Variants in TFAP2C observed in about 807,000 individuals in gnomAD.
TFAP2C encodes the protein transcription factor AP-2 gamma.
TFAP2C carries 9 observed loss-of-function variants against 42.9 expected under a neutral mutation model. That is an observed-to-expected ratio of 0.21 (90% CI 0.13 to 0.37). The LOEUF is 0.37. Among genes scored for constraint, TFAP2C ranks in the 10% least tolerant of loss-of-function variants. The pLI is 1.00. For missense variants in TFAP2C, 462 were observed against 591.7 expected (o/e 0.78, Z 2.27); for synonymous variants, 264 against 256.0 (o/e 1.03, Z -0.30).
rs900465673 is a variant in TFAP2C at position 56,637,613 on chromosome 20, G to C, written c.1068-115G>C. On this transcript the variant is annotated intron_variant, in intron 6 of 6. Transcript: ENST00000201031. The stretch of plus-strand genomic sequence containing the variant: ...TATTAGTATTAAATTCTCCTTCCTC[G>C]GGTTGAAGCAGTTGTGCTTGCCTCC... 22 of 879,744 alleles carry C rather than the reference G, an allele frequency of 2.5e-5. No individual in the cohort carries two copies. In the African/African-American group the frequency reaches 3.2e-4, roughly 13 times the overall value. 54.5% of individuals were successfully genotyped at this position (879,744 alleles called of 1,614,324 possible).
In TFAP2C at chr20:56,630,583, A is replaced by G. The variant is rs1987468415; in HGVS notation, c.49-622A>G. 8.2e-6 allele frequency: 5 copies of G among 613,188 alleles called. No homozygotes were observed. Among genetic ancestry groups the G allele is most frequent in the African/African-American group, 2.0e-5 (1 of 50,188 alleles). The allele number at this position is 613,188 out of a possible 1,614,324, so 38.0% of individuals were successfully genotyped here. A position where few individuals can be genotyped will look rare whatever the true frequency, so the allele number is the denominator to read the frequency against. On this transcript the variant is annotated intron_variant, in intron 1 of 6. Transcript: ENST00000201031. The surrounding 1 kb of genome is among the most constrained non-coding windows in gnomAD (Gnocchi z 5.1). ...CTCCCCTCGGCTGGGCCCGGCCAGC[A>G]GGGAGGGCCGCCCTGTGCGCGCGCT... is the stretch of plus-strand genomic sequence containing the variant.
At position 56,638,092 on chromosome 20, in the gene TFAP2C, C is replaced by A. The variant is rs1987620959; in HGVS notation, c.*79C>A. 1 of 1,323,070 alleles carries A rather than the reference C, an allele frequency of 7.6e-7. No individual in the cohort carries two copies. Among genetic ancestry groups the A allele is most frequent in the Non-Finnish European group, 1.0e-6 (1 of 973,040 alleles). The allele number at this position is 1,323,070 out of a possible 1,614,324, so 82.0% of individuals were successfully genotyped here. A position where few individuals can be genotyped will look rare whatever the true frequency, so the allele number is the denominator to read the frequency against. ...CCTTCTCCACCGCACAGACTGGGAA[C>A]CCCTCCTGGCCTGGGGGAAGAGTTT... On this transcript the variant is annotated 3_prime_UTR_variant, in exon 7 of 7. Transcript: ENST00000201031.
At position 56,629,936 on chromosome 20, in the gene TFAP2C, C is replaced by T. The variant is rs1213608237; in HGVS notation, c.48+344C>T. ...CAGACGTGGCTTTTACGCACGAAGT[C>T]TCTGTCCAAAGGGGTCAGATGAGGC... On this transcript the variant is annotated intron_variant, in intron 1 of 6. Transcript: ENST00000201031. This position sits in a 1 kb window ranked among gnomAD's most constrained non-coding sequence, Gnocchi z 5.9. Among the ~76,000 whole-genome samples, 2 of 152,180 alleles carry T rather than the reference C, an allele frequency of 1.3e-5. No individual in the cohort carries two copies. Among genetic ancestry groups the T allele is most frequent in the Non-Finnish European group, 2.9e-5 (2 of 68,036 alleles).
chr20:56,629,413 A>G lies in TFAP2C; in HGVS notation c.-132A>G. On this transcript the variant is annotated 5_prime_UTR_variant, in exon 1 of 7. Coordinates refer to ENST00000201031, the MANE Select transcript of TFAP2C (RefSeq NM_003222.4). This position sits in a 1 kb window ranked among gnomAD's most constrained non-coding sequence, Gnocchi z 5.9. ...CGCCGATGCGTGTCCAGTGACCCGG[A>G]CAGCAAGGCCCGCGCGCGGCGGGGG... is the stretch of plus-strand genomic sequence containing the variant. 4 of 733,842 alleles carry G rather than the reference A, an allele frequency of 5.5e-6. No individual in the cohort carries two copies. Among genetic ancestry groups the G allele is most frequent in the Non-Finnish European group, 8.0e-6 (4 of 500,998 alleles). The allele number at this position is 733,842 out of a possible 1,614,324, so 45.5% of individuals were successfully genotyped here.
At chr20:56,635,996 G>A (rs1987576417) in intron 5 of TFAP2C, among the ~76,000 whole-genome samples, 1 of 152,032 alleles carries the variant, frequency 6.6e-6, no homozygotes, top group Non-Finnish European at 1.5e-5. Context: ...TTTCCCCCCC[G>A]AATCTTTTCA....
Position 56,636,876 on chromosome 20 carries a change from A to G in TFAP2C, c.1067+122A>G, listed in dbSNP as rs1394989266. The G allele has an allele frequency of 3.2e-6, 4 of 1,268,650 alleles. No homozygotes were observed. In the African/African-American group the frequency reaches 6.1e-5, roughly 19 times the overall value. 78.6% of individuals were successfully genotyped at this position (1,268,650 alleles called of 1,614,324 possible). ...ATATTCTTGAAATAAATTAGGGTGG[A>G]GCAAAAGAAAATGGCAAGGGAGCTT... On this transcript the variant is annotated intron_variant, in intron 6 of 6. Coordinates refer to ENST00000201031, the MANE Select transcript of TFAP2C (RefSeq NM_003222.4).
In TFAP2C at chr20:56,637,705, G is replaced by A. The variant is rs754404050; in HGVS notation, c.1068-23G>A. 7 of 1,611,164 alleles carry A rather than the reference G, an allele frequency of 4.3e-6. No individual in the cohort carries two copies. The African/African-American group carries it at 5.3e-5, about 12-fold the overall frequency. On this transcript the variant is annotated intron_variant, in intron 6 of 6. Coordinates refer to ENST00000201031, the MANE Select transcript of TFAP2C (RefSeq NM_003222.4). ...TGTAAGGAGCTAGATGGAACTCATC[G>A]AGTCAACTGACTGTCTTCACAGGCA...
At chr20:56,633,280 T>C in intron 3 of TFAP2C, 73 bp from the exon 4 acceptor site, 1 of 1,176,476 alleles carries the variant, frequency 8.5e-7, no homozygotes, top group East Asian at 2.4e-5. Context: ...TCAGCTTTGG[T>C]TATTGGTTTT....
At position 56,630,758 on chromosome 20, in the gene TFAP2C, T is replaced by A. The variant is rs1987472743; in HGVS notation, c.49-447T>A. On this transcript the variant is annotated intron_variant, in intron 1 of 6. Coordinates refer to ENST00000201031, the MANE Select transcript of TFAP2C (RefSeq NM_003222.4). The surrounding 1 kb of genome is among the most constrained non-coding windows in gnomAD (Gnocchi z 5.1). ...CCGCGCCGCGCACTCTATCCGCGCC[T>A]GCCGCGCTGCCACCTCCAGCAGTCC... 1 of 985,258 alleles carries A rather than the reference T, an allele frequency of 1.0e-6. No homozygotes were observed. The highest frequency in any genetic ancestry group is 1.1e-4 in the East Asian group (1 of 8,744). The allele number at this position is 985,258 out of a possible 1,614,324, so 61.0% of individuals were successfully genotyped here.
chr20:56,632,746 C>T (rs1191094077), intron 3 of TFAP2C, among the ~76,000 whole-genome samples: 2 of 151,888 alleles, frequency 1.3e-5, no homozygotes, highest in Admixed American at 1.3e-4. Flanking sequence ...AAAAAACTCA[C>T]CGTTTATTTA....
chr20:56,631,414 C>A lies in TFAP2C; in HGVS notation c.258C>A (p.Ala86=). 2 of 1,603,208 alleles carry A rather than the reference C, an allele frequency of 1.2e-6. No homozygotes were observed. Among genetic ancestry groups the A allele is most frequent in the Non-Finnish European group, 8.5e-7 (1 of 1,175,998 alleles). The change falls in exon 2 of 7, where the codon GCC becomes GCA. Residue 86 remains alanine, a synonymous_variant. Transcript: ENST00000201031. This position sits in a 1 kb window ranked among gnomAD's most constrained non-coding sequence, Gnocchi z 6.1. ...ATCTGGGGGAAGCGTACGCCGCCGCCATCAACCCCCTGCACCAGCCGGCGC... is the reference window on the plus strand; with the variant it reads ...ATCTGGGGGAAGCGTACGCCGCCGCAATCAACCCCCTGCACCAGCCGGCGC... The part of the protein sequence containing the change: ...YSHLGEAYAA[A]INPLHQPAPT...
Position 56,631,348 on chromosome 20 carries a change from C to T in TFAP2C, c.192C>T (p.Tyr64=), listed in dbSNP as rs763699561. 2 of 1,611,824 alleles carry T rather than the reference C, an allele frequency of 1.2e-6. No individual in the cohort carries two copies. The highest frequency in any genetic ancestry group is 1.7e-6 in the Non-Finnish European group (2 of 1,179,234). The change falls in exon 2 of 7, where the codon TAC becomes TAT. Residue 64 remains tyrosine, a synonymous_variant. Transcript: ENST00000201031. This position sits in a 1 kb window ranked among gnomAD's most constrained non-coding sequence, Gnocchi z 6.1. ...CGCCACCCTACTTTCCCCCTCCCTA[C>T]CAGCAGCTGGCCTACTCCCAGTCGG... The part of the protein sequence containing the change: ...YQPPPYFPPP[Y]QQLAYSQSAD...
Position 56,629,431 on chromosome 20 carries a change from G to T in TFAP2C, c.-114G>T. Reference sequence around the variant, plus strand: ...GACCCGGACAGCAAGGCCCGCGCGCGGCGGGGGCGGCGGCAGACGCCTGGT... The same window carrying T: ...GACCCGGACAGCAAGGCCCGCGCGCTGCGGGGGCGGCGGCAGACGCCTGGT... On this transcript the variant is annotated 5_prime_UTR_variant, in exon 1 of 7. Coordinates refer to ENST00000201031, the MANE Select transcript of TFAP2C (RefSeq NM_003222.4). This position sits in a 1 kb window ranked among gnomAD's most constrained non-coding sequence, Gnocchi z 5.9. 1 of 949,246 alleles carries T rather than the reference G, an allele frequency of 1.1e-6. No homozygotes were observed. Among genetic ancestry groups the T allele is most frequent in the Non-Finnish European group, 1.4e-6 (1 of 694,602 alleles). The allele number at this position is 949,246 out of a possible 1,614,324, so 58.8% of individuals were successfully genotyped here.
At chr20:56,636,828 A>AG (rs531413008) in intron 6 of TFAP2C, 74 bp downstream of exon 6, 1 of 1,483,274 alleles carries the variant, frequency 6.7e-7, no homozygotes, top group Non-Finnish European at 9.1e-7. Context: ...CCCCCTCCAC[A>AG]GTCCCGATGG....
intron 5 of TFAP2C, among the ~76,000 whole-genome samples, chr20:56,635,541 C>T (rs1987568353): frequency 6.6e-6 from 1 of 152,014 alleles, no homozygotes; most frequent in South Asian, 2.1e-4. Flanking sequence ...TCTGCCCCTT[C>T]AGTAAAAAGG....
At chr20:56,632,495 A>G (rs1408063478) in intron 3 of TFAP2C, among the ~76,000 whole-genome samples, 1 of 152,192 alleles carries the variant, frequency 6.6e-6, no homozygotes, top group East Asian at 1.9e-4. Context: ...TACCATTTTG[A>G]CTGTTTTGGG....
chr20:56,631,169 A>T lies in TFAP2C; in HGVS notation c.49-36A>T. 1 of 1,480,822 alleles carries T rather than the reference A, an allele frequency of 6.8e-7. No individual in the cohort carries two copies. The highest frequency in any genetic ancestry group is 8.9e-7 in the Non-Finnish European group (1 of 1,119,294). The allele number at this position is 1,480,822 out of a possible 1,614,324, so 91.7% of individuals were successfully genotyped here. On this transcript the variant is annotated intron_variant, in intron 1 of 6. Transcript: ENST00000201031. The surrounding 1 kb of genome is among the most constrained non-coding windows in gnomAD (Gnocchi z 6.1). The stretch of plus-strand genomic sequence containing the variant: ...CCAGTTCGCAGTAGCGGGGTTTCGC[A>T]CTAACGGGGTCTCCTGTTTTTTTTT...
At position 56,631,600 on chromosome 20, in the gene TFAP2C, G is replaced by C; in HGVS notation, c.444G>C (p.Leu148=). 1 of 1,556,668 alleles carries C rather than the reference G, an allele frequency of 6.4e-7. No individual in the cohort carries two copies. Among genetic ancestry groups the C allele is most frequent in the Non-Finnish European group, 8.6e-7 (1 of 1,158,598 alleles). The change falls in exon 2 of 7, where the codon CTG becomes CTC. Residue 148 remains leucine (L), a synonymous_variant. Coordinates refer to ENST00000201031, the MANE Select transcript of TFAP2C (RefSeq NM_003222.4). The surrounding 1 kb of genome is among the most constrained non-coding windows in gnomAD (Gnocchi z 6.1). ...ARRDAYRRSD[L]LLPHAHALDA... ...GGGATGCCTACCGCCGCTCCGACCT[G>C]CTGCTGCCCCACGCACACGCCCTGG...
At position 56,637,615 on chromosome 20, in the gene TFAP2C, G is replaced by A. The variant is rs929434609; in HGVS notation, c.1068-113G>A. 13 of 916,898 alleles carry A rather than the reference G, an allele frequency of 1.4e-5. No individual in the cohort carries two copies. In the Admixed American group the frequency reaches 2.5e-4, roughly 17 times the overall value. 56.8% of individuals were successfully genotyped at this position (916,898 alleles called of 1,614,324 possible). On this transcript the variant is annotated intron_variant, in intron 6 of 6. Transcript: ENST00000201031. ...TTAGTATTAAATTCTCCTTCCTCGG[G>A]TTGAAGCAGTTGTGCTTGCCTCCCG...
Sources: allele counts gnomAD v4.1 joint callset (sites outside exome capture counted in the v4.1 genomes callset), GRCh38; gene constraint gnomAD v4.1.1; non-coding constraint Gnocchi (gnomAD v3.1); transcripts MANE v1.5; gene names NCBI Gene and HGNC (gene_info 2026-07-23, HGNC 2026-07-21).